Variants in S100A8 observed in about 807,000 individuals in gnomAD.
S100A8 encodes the protein S100 calcium binding protein A8.
A neutral mutation model predicts 4.2 loss-of-function variants in S100A8; 1 was observed. The ratio of observed to expected loss-of-function variants is 0.24; its 90% CI spans 0.08 to 1.12. S100A8 has a LOEUF of 1.12. Among genes scored for constraint, S100A8 ranks in the 50% most tolerant of loss-of-function variants. The pLI is 0.53. For missense variants in S100A8, 96 were observed against 111.8 expected (o/e 0.86, Z 0.64); for synonymous variants, 41 against 44.7 (o/e 0.92, Z 0.33).
chr1:153,409,384 C>A, the S100A8 span, among the ~76,000 whole-genome samples: 18 of 152,216 alleles, frequency 1.2e-4, no homozygotes, highest in African/African-American at 3.9e-4. Context: ...ACAAAGAAGG[C>A]CATTACATAG....
the S100A8 span, among the ~76,000 whole-genome samples, chr1:153,405,083 TC>T: frequency 1.4e-5 from 2 of 146,352 alleles, no homozygotes; most frequent in South Asian, 2.2e-4. Flanking sequence ...CTTCCTGGAG[TC>T]CCCCCCACCC....
At chr1:153,419,185 A>G in the S100A8 span, 1 of 1,614,210 alleles carries the variant, frequency 6.2e-7, no homozygotes. Context: ...GTCTTTGAGA[A>G]AAAGGACAAG....
intron 2 of S100A8, 60 bp downstream of exon 2, chr1:153,390,335 T>C: frequency 5.0e-6 from 8 of 1,604,610 alleles, no homozygotes; most frequent in Non-Finnish European, 6.0e-6. Flanking sequence ...GGAGGACCGC[T>C]GGCCCAGGGC....
chr1:153,403,849 C>T, the S100A8 span, among the ~76,000 whole-genome samples: 12 of 152,194 alleles, frequency 7.9e-5, no homozygotes, highest in South Asian at 1.5e-3. Context: ...GGGTATCGTG[C>T]AATTCCGTTC....
chr1:153,409,936 A>G, the S100A8 span, among the ~76,000 whole-genome samples: 361 of 152,330 alleles, frequency 2.4e-3, 2 homozygotes, highest in South Asian at 0.024. Flanking sequence ...ACCAATATGA[A>G]CAAAGACACA....
chr1:153,396,170 G>A, the S100A8 span, among the ~76,000 whole-genome samples: 2 of 152,240 alleles, frequency 1.3e-5, no homozygotes, highest in Non-Finnish European at 2.9e-5. Context: ...CTCCCTAGAG[G>A]AATAAGCTGT....
the S100A8 span, among the ~76,000 whole-genome samples, chr1:153,410,842 T>A: frequency 1.3e-5 from 2 of 152,162 alleles, no homozygotes; most frequent in African/African-American, 4.8e-5. Flanking sequence ...AATCATTAAA[T>A]GTAATCCGTC....
the S100A8 span, among the ~76,000 whole-genome samples, chr1:153,405,609 C>T: frequency 1.2e-3 from 174 of 150,868 alleles, no homozygotes; most frequent in African/African-American, 3.9e-3. Context: ...AACATCTTAT[C>T]AATATCCTCC....
At chr1:153,417,935 TA>T in the S100A8 span, 2 of 1,111,168 alleles carry the variant, frequency 1.8e-6, no homozygotes, top group Non-Finnish European at 2.5e-6. Context: ...CCATCACATT[TA>T]AAAAAATCAA....
the S100A8 span, among the ~76,000 whole-genome samples, chr1:153,414,203 A>G: frequency 4.5e-4 from 69 of 152,338 alleles, no homozygotes; most frequent in African/African-American, 1.6e-3. Flanking sequence ...GGTTTTGGTG[A>G]TGACTTTTTA....
chr1:153,390,670 C>T, intron 1 of S100A8, 113 bp from the exon 2 acceptor site: 1 of 1,315,706 alleles, frequency 7.6e-7, no homozygotes. Flanking sequence ...CTGCACTCTC[C>T]AAATAACCAA....
chr1:153,416,412 A>G, the S100A8 span: 4 of 290,586 alleles, frequency 1.4e-5, no homozygotes, highest in East Asian at 4.0e-4. Context: ...CACACACCTG[A>G]TATGGGACAA....
chr1:153,403,730 C>T, the S100A8 span, among the ~76,000 whole-genome samples: 3 of 152,150 alleles, frequency 2.0e-5, no homozygotes, highest in South Asian at 6.2e-4. Context: ...TATGGAATTC[C>T]AGAACCATTC....
At chr1:153,392,132 C>A (rs925200390), upstream of S100A8, among the ~76,000 whole-genome samples, 33 of 152,054 alleles carry the variant, frequency 2.2e-4, no homozygotes, top group Non-Finnish European at 2.6e-4. Flanking sequence ...ATAAAAGAAT[C>A]CCTACAACTC....
At chr1:153,394,428 G>A (rs1406928439), upstream of S100A8, among the ~76,000 whole-genome samples, 1 of 152,138 alleles carries the variant, frequency 6.6e-6, no homozygotes, top group Non-Finnish European at 1.5e-5. Context: ...CACAGCCAGG[G>A]GCCTGCAGGA....
the S100A8 span, chr1:153,418,323 T>C: frequency 5.3e-6 from 8 of 1,504,014 alleles, no homozygotes; most frequent in Non-Finnish European, 7.2e-6. Flanking sequence ...ATCCTCTGAT[T>C]AAAAAGTTTC....
At chr1:153,422,487 G>C in the S100A8 span, 1 of 982,624 alleles carries the variant, frequency 1.0e-6, no homozygotes, top group African/African-American at 1.7e-5. Flanking sequence ...TAAAGAGAAA[G>C]AATACTTGAC....
At chr1:153,420,270 A>G in the S100A8 span, 16 of 152,388 alleles carry the variant, frequency 1.0e-4, no homozygotes, top group East Asian at 2.1e-3. Context: ...AACAGGCAGG[A>G]CACAGTGCTG....
the S100A8 span, among the ~76,000 whole-genome samples, chr1:153,414,359 A>G: frequency 6.6e-6 from 1 of 152,260 alleles, no homozygotes; most frequent in Admixed American, 6.5e-5. Flanking sequence ...CAAAAGACAT[A>G]TCAGACTTTG....
Sources: gnomAD v4.1 joint callset for allele counts (sites outside exome capture counted in the v4.1 genomes callset) on GRCh38, gnomAD v4.1.1 for gene constraint, MANE v1.5 for transcripts, NCBI Gene and HGNC (gene_info 2026-07-23, HGNC 2026-07-21) for gene names.